DCLK1: variants seen among roughly 807,000 people sequenced by gnomAD.
DCLK1 encodes the protein serine/threonine-protein kinase DCLK1.
In DCLK1, 16 loss-of-function variants were observed where a neutral mutation model predicts 86.2. The observed-to-expected ratio is 0.19, with a 90% CI of 0.13 to 0.28. DCLK1 has a LOEUF of 0.28. DCLK1 is among the 10% of genes least tolerant of loss of function. The pLI is 1.00. For missense variants in DCLK1, 590 were observed against 940.2 expected, an observed-to-expected ratio of 0.63 and a Z score of 4.87; for synonymous variants, 369 against 370.5, an observed-to-expected ratio of 1.00 and a Z score of 0.05.
intron 4 of DCLK1, among the ~76,000 whole-genome samples, chr13:35,937,180 G>A (rs1304605516): frequency 6.6e-6 from 1 of 150,616 alleles, no homozygotes; most frequent in African/African-American, 2.4e-5. Flanking sequence ...TCATTGTGCT[G>A]GCCAGAATGG....
intron 15 of DCLK1, among the ~76,000 whole-genome samples, chr13:35,800,681 T>G (rs2086900625): frequency 6.6e-6 from 1 of 152,062 alleles, no homozygotes; most frequent in Non-Finnish European, 1.5e-5. Context: ...TACTGTCTAT[T>G]TTATATAAGT....
In DCLK1 at chr13:35,912,395, T is replaced by C. The variant is rs1875092473; in HGVS notation, c.823+34963A>G. 2.0e-5 allele frequency among the ~76,000 whole-genome samples: 3 copies of C among 152,148 alleles called. No homozygotes were observed. In the South Asian group the frequency reaches 6.2e-4, roughly 31 times the overall value. Reference sequence around the variant, plus strand: ...AATCGAATGTTGTCTTTTTCAAAACTACCTATGGCCCACCCCACCCCCAGT... The same window carrying C: ...AATCGAATGTTGTCTTTTTCAAAACCACCTATGGCCCACCCCACCCCCAGT... On this transcript the variant is annotated intron_variant, in intron 4 of 16. Transcript: ENST00000360631.
At chr13:35,914,373 A>ATATG (rs1875273246) in intron 4 of DCLK1, among the ~76,000 whole-genome samples, 2 of 36,742 alleles carry the variant, frequency 5.4e-5, no homozygotes, top group African/African-American at 2.6e-4. Flanking sequence ...ATATATGTAT[A>ATATG]TATATATATA....
At chr13:35,878,448 C>T (rs570976171) in intron 4 of DCLK1, among the ~76,000 whole-genome samples, 111 of 152,060 alleles carry the variant, frequency 7.3e-4, no homozygotes, top group African/African-American at 1.5e-3. Flanking sequence ...AAGCTCCACA[C>T]GCAGCACGTC....
chr13:35,873,976 T>C (rs555220769), intron 4 of DCLK1, among the ~76,000 whole-genome samples: 10 of 152,234 alleles, frequency 6.6e-5, no homozygotes, highest in Non-Finnish European at 4.4e-5. Context: ...GTTATAAATA[T>C]TTATCATTGT....
At chr13:35,812,698 C>T (rs1485059519) in intron 11 of DCLK1, among the ~76,000 whole-genome samples, 1 of 152,216 alleles carries the variant, frequency 6.6e-6, no homozygotes, top group Non-Finnish European at 1.5e-5. Context: ...TATTCTTTTA[C>T]GTTTTCTCCA....
At chr13:35,984,897 G>GCACACACA in intron 3 of DCLK1, among the ~76,000 whole-genome samples, 1 of 148,350 alleles carries the variant, frequency 6.7e-6, no homozygotes, top group Non-Finnish European at 1.5e-5. Flanking sequence ...GCGTGCGCAT[G>GCACACACA]CACACACACA....
chr13:35,845,987 A>T, intron 6 of DCLK1: 1 of 985,404 alleles, frequency 1.0e-6, no homozygotes. Flanking sequence ...GTCCAGTGTG[A>T]AACACAAGGT....
At chr13:35,778,701 G>A (rs954363731) in intron 16 of DCLK1, among the ~76,000 whole-genome samples, 2 of 152,204 alleles carry the variant, frequency 1.3e-5, no homozygotes, top group South Asian at 2.1e-4. Flanking sequence ...TGGGAACCAT[G>A]TGAAGTCCAA....
At chr13:36,040,777 A>C (rs1043786442) in intron 3 of DCLK1, among the ~76,000 whole-genome samples, 1 of 152,084 alleles carries the variant, frequency 6.6e-6, no homozygotes, top group African/African-American at 2.4e-5. Flanking sequence ...CAATCTATTT[A>C]TATCAGTATG....
chr13:35,849,896 T>C (rs574594112), intron 6 of DCLK1: 2 of 963,496 alleles, frequency 2.1e-6, no homozygotes, highest in South Asian at 4.8e-5. Context: ...CTTTAGTTTT[T>C]ACACATTTAA....
At chr13:36,091,117 T>C (rs2138136799) in intron 3 of DCLK1, among the ~76,000 whole-genome samples, 1 of 152,282 alleles carries the variant, frequency 6.6e-6, no homozygotes, top group African/African-American at 2.4e-5. Context: ...TTGTAAAAAT[T>C]TTCTCCCATT....
intron 1 of DCLK1, among the ~76,000 whole-genome samples, chr13:36,128,889 C>T (rs1370005662): frequency 6.6e-6 from 1 of 152,164 alleles, no homozygotes; most frequent in African/African-American, 2.4e-5. Context: ...TTGGTAACTG[C>T]TCTTACTTTT....
chr13:35,956,093 C>A (rs996863443), intron 3 of DCLK1, among the ~76,000 whole-genome samples: 10 of 152,062 alleles, frequency 6.6e-5, no homozygotes, highest in Non-Finnish European at 1.5e-5. Flanking sequence ...ACCTACTTGC[C>A]CCTCTTTCAC....
At chr13:35,823,450 C>A (rs2087443678) in intron 10 of DCLK1, among the ~76,000 whole-genome samples, 1 of 151,916 alleles carries the variant, frequency 6.6e-6, no homozygotes, top group South Asian at 2.1e-4. Flanking sequence ...CAATATTGTG[C>A]TCCTTTGTAA....
At chr13:35,795,321 T>C (rs2086786154) in intron 15 of DCLK1, among the ~76,000 whole-genome samples, 1 of 152,120 alleles carries the variant, frequency 6.6e-6, no homozygotes, top group South Asian at 2.1e-4. Context: ...TTATGTGCCA[T>C]GGTAATGGCA....
chr13:35,886,998 C>A (rs981643274), intron 4 of DCLK1, among the ~76,000 whole-genome samples: 4 of 152,200 alleles, frequency 2.6e-5, no homozygotes, highest in African/African-American at 7.2e-5. Context: ...GAGAAAGCAA[C>A]TGTGTTTTTA....
chr13:36,121,025 A>T (rs563423377), intron 2 of DCLK1, among the ~76,000 whole-genome samples: 1 of 152,330 alleles, frequency 6.6e-6, no homozygotes, highest in Non-Finnish European at 1.5e-5. Context: ...TATCCTAAAG[A>T]TATTCTCCTA....
intron 3 of DCLK1, among the ~76,000 whole-genome samples, chr13:36,008,234 T>TA (rs1296545225): frequency 0.12 from 13,231 of 109,042 alleles, 845 homozygotes; most frequent in East Asian, 0.37. Flanking sequence ...ATTATTTTTT[T>TA]AATTATACTT....
Sources: allele counts gnomAD v4.1 joint callset (sites outside exome capture counted in the v4.1 genomes callset), GRCh38; gene constraint gnomAD v4.1.1; transcripts MANE v1.5; gene names NCBI Gene and HGNC (gene_info 2026-07-23, HGNC 2026-07-21).